The following KHDRBS2 variants were observed in gnomAD, a reference collection of about 807,000 sequenced individuals.
KHDRBS2 encodes KH domain-containing, RNA-binding, signal transduction-associated protein 2.
In KHDRBS2, 26 loss-of-function variants were observed where a neutral mutation model predicts 44.3. That is an observed-to-expected ratio of 0.59 (90% confidence interval 0.43 to 0.81). KHDRBS2 has a LOEUF of 0.81. Ranked by LOEUF, KHDRBS2 falls within the 40% of genes least tolerant of loss-of-function variation. The pLI is 0.00. For missense variants in KHDRBS2, 476 were observed against 433.1 expected, an observed-to-expected ratio of 1.10 and a Z score of -0.88; for synonymous variants, 194 against 151.1, an observed-to-expected ratio of 1.28 and a Z score of -2.08.
chr6:62,096,718 A>T lies in KHDRBS2; in HGVS notation c.220-48724T>A, dbSNP rs143688752. Among the ~76,000 whole-genome samples the T allele has an allele frequency of 3.8e-3, 583 of 151,828 alleles. 1 individual carries two copies. The highest frequency in any genetic ancestry group is 0.014 in the African/African-American group (564 of 41,504). ...GATTTAAAAAATCTCTATTTCACTT[A>T]TCTCTGCTCTTATCTTTATTATTTC... is the stretch of plus-strand genomic sequence containing the variant. On this transcript the variant is annotated intron_variant, in intron 2 of 8. Transcript: ENST00000281156.
intron 4 of KHDRBS2, among the ~76,000 whole-genome samples, chr6:61,932,294 T>C (rs1301381512): frequency 1.3e-5 from 2 of 152,210 alleles, no homozygotes; most frequent in Non-Finnish European, 2.9e-5. Context: ...AATGAAAGAA[T>C]GTAACATTCA....
chr6:61,997,799 G>C (rs1431862394), intron 3 of KHDRBS2, among the ~76,000 whole-genome samples: 1 of 152,078 alleles, frequency 6.6e-6, no homozygotes, highest in Non-Finnish European at 1.5e-5. Flanking sequence ...ATTTTCCTAA[G>C]CTCCAATGAC....
At chr6:61,544,132 G>T in the KHDRBS2 span, among the ~76,000 whole-genome samples, 1 of 152,036 alleles carries the variant, frequency 6.6e-6, no homozygotes, top group African/African-American at 2.4e-5. Context: ...GTGCTGCAAA[G>T]TATAAATGCT....
chr6:61,583,905 T>C, the KHDRBS2 span, among the ~76,000 whole-genome samples: 11 of 151,600 alleles, frequency 7.3e-5, no homozygotes, highest in Non-Finnish European at 1.6e-4. Context: ...TAGTTTTTAA[T>C]GTAGCTATCT....
intron 3 of KHDRBS2, among the ~76,000 whole-genome samples, chr6:62,001,411 T>C (rs920890953): frequency 5.9e-5 from 9 of 151,976 alleles, no homozygotes; most frequent in African/African-American, 1.9e-4. Context: ...ATTGGTGCTC[T>C]TCTTACTGTG....
At chr6:61,791,842 A>G (rs1282006471) in intron 6 of KHDRBS2, among the ~76,000 whole-genome samples, 1 of 151,486 alleles carries the variant, frequency 6.6e-6, no homozygotes, top group Non-Finnish European at 1.5e-5. Context: ...CATATTTGAT[A>G]TAAATATTTC....
chr6:61,650,409 G>GTT, the KHDRBS2 span, among the ~76,000 whole-genome samples: 27,709 of 148,642 alleles, frequency 0.19, 2,941 homozygotes, highest in South Asian at 0.29. Flanking sequence ...TTAAAAAAAT[G>GTT]TTTTTTTTTT....
chr6:61,862,970 T>C (rs1797222945), intron 6 of KHDRBS2, among the ~76,000 whole-genome samples: 2 of 152,086 alleles, frequency 1.3e-5, no homozygotes, highest in East Asian at 3.9e-4. Flanking sequence ...TCAAAACTCA[T>C]TATTGATCTA....
rs575101327 is a variant in KHDRBS2, at chr6:61,932,776, G to C, written c.484-31405C>G. 2.0e-5 allele frequency among the ~76,000 whole-genome samples: 3 copies of C among 152,090 alleles called. No individual in the cohort carries two copies. In the South Asian group the frequency reaches 6.2e-4, roughly 32 times the overall value. On this transcript the variant is annotated intron_variant, in intron 4 of 8. Coordinates refer to ENST00000281156, the MANE Select transcript of KHDRBS2 (RefSeq NM_152688.4). ...CCACTGCACTCCAGCCTGGGCGACA[G>C]AGCAAGACTCTGTCTCAAGAAAAAA...
At chr6:62,117,396 T>A (rs921463744) in intron 2 of KHDRBS2, among the ~76,000 whole-genome samples, 8 of 152,206 alleles carry the variant, frequency 5.3e-5, no homozygotes, top group Non-Finnish European at 1.2e-4. Context: ...CATTTGGATA[T>A]CTTTTTTTTG....
At chr6:61,766,721 C>A (rs767752348) in intron 6 of KHDRBS2, among the ~76,000 whole-genome samples, 15 of 151,952 alleles carry the variant, frequency 9.9e-5, no homozygotes, top group African/African-American at 1.7e-4. Context: ...CATTGAACCA[C>A]CGGTCATTTA....
chr6:62,030,674 C>T (rs1784186108), intron 3 of KHDRBS2, among the ~76,000 whole-genome samples: 2 of 151,796 alleles, frequency 1.3e-5, no homozygotes, highest in Admixed American at 6.6e-5. Flanking sequence ...AATATTTAGC[C>T]GAAACATTAG....
Position 62,026,456 on chromosome 6 carries a change from A to C in KHDRBS2, c.336+21422T>G, listed in dbSNP as rs539971253. 2.8e-4 allele frequency among the ~76,000 whole-genome samples: 42 copies of C among 149,148 alleles called. 1 individual carries two copies. The South Asian group carries it at 8.6e-3, about 31-fold the overall frequency. ...TATTATTATTTTTTTTTTTGGAGAA[A>C]AGGTCTCATTCTGTTGTCGAGGCTG... is the stretch of plus-strand genomic sequence containing the variant. On this transcript the variant is annotated intron_variant, in intron 3 of 8. Transcript: ENST00000281156.
chr6:62,200,052 A>G (rs1826596037), intron 1 of KHDRBS2, among the ~76,000 whole-genome samples: 1 of 152,326 alleles, frequency 6.6e-6, no homozygotes, highest in African/African-American at 2.4e-5. Flanking sequence ...CTGAAACTGG[A>G]TCCCTTCCTT....
chr6:61,556,170 T>C, the KHDRBS2 span, among the ~76,000 whole-genome samples: 3 of 152,116 alleles, frequency 2.0e-5, no homozygotes, highest in Non-Finnish European at 4.4e-5. Flanking sequence ...CCTGCAGTGG[T>C]GGCAGTGCAG....
intron 6 of KHDRBS2, among the ~76,000 whole-genome samples, chr6:61,865,411 G>A (rs1232623885): frequency 6.6e-6 from 1 of 152,134 alleles, no homozygotes; most frequent in African/African-American, 2.4e-5. Flanking sequence ...GTCTTATATG[G>A]ATAGCAGCAG....
At chr6:61,581,534 TATA>T in the KHDRBS2 span, among the ~76,000 whole-genome samples, 1 of 147,972 alleles carries the variant, frequency 6.8e-6, no homozygotes, top group African/African-American at 2.5e-5. Context: ...TAGATTATAA[TATA>T]ATATACAATA....
chr6:61,939,940 A>G (rs1811813553), intron 4 of KHDRBS2, among the ~76,000 whole-genome samples: 4 of 152,214 alleles, frequency 2.6e-5, no homozygotes, highest in Non-Finnish European at 5.9e-5. Flanking sequence ...CAATTCATAA[A>G]ATAAATGTAC....
At chr6:62,022,526 A>T (rs1782539473) in intron 3 of KHDRBS2, among the ~76,000 whole-genome samples, 1 of 151,758 alleles carries the variant, frequency 6.6e-6, no homozygotes, top group South Asian at 2.1e-4. Context: ...TGTGTACTAT[A>T]TCCTAAAAAG....
Sources: gnomAD v4.1 joint callset for allele counts (sites outside exome capture counted in the v4.1 genomes callset) on GRCh38, gnomAD v4.1.1 for gene constraint, MANE v1.5 for transcripts, NCBI Gene and HGNC (gene_info 2026-07-23, HGNC 2026-07-21) for gene names.